The following GABBR2 variants were observed in gnomAD, a reference collection of about 807,000 sequenced individuals.
The protein encoded by GABBR2 is gamma-aminobutyric acid type B receptor subunit 2.
In GABBR2, 23 loss-of-function variants were observed where a neutral mutation model predicts 105.6. The ratio of observed to expected loss-of-function variants is 0.22; its 90% CI spans 0.16 to 0.31. The LOEUF is 0.31. Ranked by LOEUF, GABBR2 falls within the 10% of genes least tolerant of loss-of-function variation. The pLI, the probability that GABBR2 is intolerant of heterozygous loss-of-function variation, is 1.00. For synonymous variants in GABBR2, 478 were observed against 499.7 expected, an observed-to-expected ratio of 0.96 and a Z score of 0.58; for missense variants, 734 against 1,245.5, an observed-to-expected ratio of 0.59 and a Z score of 6.18.
intron 1 of GABBR2, among the ~76,000 whole-genome samples, chr9:98,704,759 GA>G (rs11434795): frequency 6.6e-6 from 1 of 151,670 alleles, no homozygotes; most frequent in Non-Finnish European, 1.5e-5. Flanking sequence ...TAATCAAATT[GA>G]AAAAAAATAT....
chr9:98,612,723 G>A (rs1418816406), intron 1 of GABBR2, among the ~76,000 whole-genome samples: 1 of 152,124 alleles, frequency 6.6e-6, no homozygotes, highest in African/African-American at 2.4e-5. Context: ...AAATTCTCAG[G>A]GGGGAAAAAA....
At chr9:98,687,307 C>G (rs1233665614) in intron 1 of GABBR2, among the ~76,000 whole-genome samples, 1 of 151,820 alleles carries the variant, frequency 6.6e-6, no homozygotes, top group Non-Finnish European at 1.5e-5. Context: ...TCTGGCTGAA[C>G]CAACCGGACA....
At chr9:98,335,487 G>A (rs966961947) in intron 13 of GABBR2, among the ~76,000 whole-genome samples, 3 of 152,100 alleles carry the variant, frequency 2.0e-5, no homozygotes, top group African/African-American at 7.2e-5. Flanking sequence ...TCTCAACTCC[G>A]GCTGCACACC....
intron 9 of GABBR2, among the ~76,000 whole-genome samples, chr9:98,390,101 G>A (rs1001589941): frequency 2.0e-5 from 3 of 152,290 alleles, no homozygotes; most frequent in Non-Finnish European, 2.9e-5. Flanking sequence ...TTGGCTGAGC[G>A]TGGTGGCTCA....
chr9:98,444,436 C>A (rs1222732673), intron 7 of GABBR2, among the ~76,000 whole-genome samples: 1 of 152,054 alleles, frequency 6.6e-6, no homozygotes, highest in Non-Finnish European at 1.5e-5. Flanking sequence ...GTACCAGGAA[C>A]TGGGAATTGT....
intron 2 of GABBR2, among the ~76,000 whole-genome samples, chr9:98,566,921 A>C (rs562932402): frequency 6.6e-5 from 10 of 152,156 alleles, no homozygotes; most frequent in Admixed American, 2.6e-4. Flanking sequence ...TATTATTTCT[A>C]TCTCTCATCC....
chr9:98,437,057 T>A (rs755222737), intron 7 of GABBR2, among the ~76,000 whole-genome samples: 38 of 152,080 alleles, frequency 2.5e-4, no homozygotes, highest in Non-Finnish European at 4.6e-4. Context: ...GAGTGAGGAA[T>A]AAAGGCATCA....
chr9:98,698,556 G>T (rs1048578307), intron 1 of GABBR2, among the ~76,000 whole-genome samples: 2 of 151,392 alleles, frequency 1.3e-5, no homozygotes, highest in African/African-American at 2.4e-5. Context: ...CTGGAGAGCA[G>T]TGGTGTGATC....
At chr9:98,345,030 C>A (rs143753878) in intron 13 of GABBR2, among the ~76,000 whole-genome samples, 4 of 152,072 alleles carry the variant, frequency 2.6e-5, no homozygotes, top group African/African-American at 4.8e-5. Flanking sequence ...TCCCCAAGCA[C>A]CCCAGGCAGA....
At chr9:98,505,694 G>A (rs1222407033) in intron 3 of GABBR2, among the ~76,000 whole-genome samples, 1 of 152,160 alleles carries the variant, frequency 6.6e-6, no homozygotes, top group Non-Finnish European at 1.5e-5. Flanking sequence ...GGGGCACAGA[G>A]ACATGAAGGG....
intron 17 of GABBR2, among the ~76,000 whole-genome samples, chr9:98,295,419 GATGTGC>G (rs1202878134): frequency 1.3e-5 from 2 of 152,088 alleles, no homozygotes; most frequent in African/African-American, 4.8e-5. Flanking sequence ...AGAGGGCTGT[GATGTGC>G]CTTATGGAGA....
chr9:98,323,840 C>T (rs72759627), intron 13 of GABBR2, among the ~76,000 whole-genome samples: 5,583 of 152,266 alleles, frequency 0.037, 134 homozygotes, highest in Middle Eastern at 0.054. Context: ...CCCAGCTTGG[C>T]GTGAATGGAG....
At chr9:98,295,210 A>C (rs1363190181) in intron 17 of GABBR2, among the ~76,000 whole-genome samples, 1 of 152,222 alleles carries the variant, frequency 6.6e-6, no homozygotes, top group Non-Finnish European at 1.5e-5. Flanking sequence ...TGTGAGTTGC[A>C]TGATGCACGT....
intron 3 of GABBR2, among the ~76,000 whole-genome samples, chr9:98,507,257 T>C (rs750800530): frequency 4.6e-5 from 7 of 152,132 alleles, no homozygotes; most frequent in Non-Finnish European, 1.0e-4. Flanking sequence ...AAGTTAAGGA[T>C]GTCAAGATGG....
intron 3 of GABBR2, among the ~76,000 whole-genome samples, chr9:98,528,507 TATC>T (rs369664328): frequency 2.4e-4 from 36 of 152,198 alleles, no homozygotes; most frequent in African/African-American, 8.4e-4. Context: ...GATCAACTAA[TATC>T]AAAAACAAAA....
intron 12 of GABBR2, among the ~76,000 whole-genome samples, chr9:98,367,324 C>G (rs1831699696): frequency 7.1e-6 from 1 of 141,740 alleles, no homozygotes; most frequent in Non-Finnish European, 1.5e-5. Flanking sequence ...AATAAGGGGG[C>G]CACTAAAAAA....
intron 13 of GABBR2, among the ~76,000 whole-genome samples, chr9:98,355,948 A>G (rs990380862): frequency 1.3e-5 from 2 of 152,268 alleles, no homozygotes; most frequent in African/African-American, 4.8e-5. Context: ...TGCAAAGGTA[A>G]TACAATGGAG....
At chr9:98,390,129 C>G (rs889321414) in intron 9 of GABBR2, among the ~76,000 whole-genome samples, 1 of 152,092 alleles carries the variant, frequency 6.6e-6, no homozygotes, top group African/African-American at 2.4e-5. Flanking sequence ...AATCCCAGCA[C>G]TTTGGGAGGC....
rs1024480429 is a variant in GABBR2, at chr9:98,653,963, A to C, written c.321+54454T>G. Among the ~76,000 whole-genome samples the C allele has an allele frequency of 3.3e-5, 5 of 152,222 alleles. No homozygotes were observed. The South Asian group carries it at 1.0e-3, about 31-fold the overall frequency. On this transcript the variant is annotated intron_variant, in intron 1 of 18. Transcript: ENST00000259455. ...ATTTATTCCTATTGCATCCACAAAGAAACTGAGGTTTGGAGAGATTAAGTG... is the reference window on the plus strand; with the variant it reads ...ATTTATTCCTATTGCATCCACAAAGCAACTGAGGTTTGGAGAGATTAAGTG...
Sources: gnomAD v4.1 joint callset for allele counts (sites outside exome capture counted in the v4.1 genomes callset) on GRCh38, gnomAD v4.1.1 for gene constraint, MANE v1.5 for transcripts, NCBI Gene and HGNC (gene_info 2026-07-23, HGNC 2026-07-21) for gene names.